FMR1NB: variants seen among roughly 807,000 people sequenced by gnomAD.
The protein encoded by FMR1NB is FMR1 neighbor, also known as FMR1 neighbor protein.
In FMR1NB, 10 loss-of-function variants were observed where a neutral mutation model predicts 16.8. The observed-to-expected ratio is 0.60, with a 90% CI of 0.37 to 1.01. The LOEUF is 1.01. FMR1NB is among the 50% of genes least tolerant of loss of function. The probability of loss-of-function intolerance (pLI) is 0.01; values close to 1 mark genes in which losing one functional copy is unlikely to be tolerated. For synonymous variants in FMR1NB, 83 were observed against 79.1 expected, an observed-to-expected ratio of 1.05 and a Z score of -0.26; for missense variants, 205 against 204.8, an observed-to-expected ratio of 1.00 and a Z score of 0.00.
rs1315631692 is a variant in FMR1NB at position 148,008,782 on chromosome X, T to G, written c.632+71T>G. 3 of 907,632 alleles carry G rather than the reference T, an allele frequency of 3.3e-6. No individual in the cohort carries two copies. The African/African-American group carries it at 5.9e-5, about 18-fold the overall frequency. The allele number at this position is 907,632 out of a possible 1,213,427, so 74.8% of individuals were successfully genotyped here. ...AGTATTTGTGTATAGACATATTTAT[T>G]AATACACTTCAGAAATACAGGGATT... On this transcript the variant is annotated intron_variant, in intron 4 of 5. Coordinates refer to ENST00000370467, the MANE Select transcript of FMR1NB (RefSeq NM_152578.3).
At position 147,988,177 on chromosome X, in the gene FMR1NB, C is replaced by T. The variant is rs188545186; in HGVS notation, c.277+6498C>T. 5.4e-5 allele frequency among the ~76,000 whole-genome samples: 6 copies of T among 111,658 alleles called. No homozygotes were observed. The East Asian group carries it at 1.7e-3, about 31-fold the overall frequency. ...TTTTCCTTTCCATATTTAGTGCTTC[C>T]TTCAGGTACTCTTGTAAGGCAGGCC... On this transcript the variant is annotated intron_variant, in intron 1 of 5. Coordinates refer to ENST00000370467, the MANE Select transcript of FMR1NB (RefSeq NM_152578.3).
intron 5 of FMR1NB, 83 bp from the exon 6 acceptor site, chrX:148,026,419 A>G (rs1557191003): frequency 9.0e-6 from 1 of 111,602 alleles, no homozygotes; most frequent in Non-Finnish European, 1.9e-5. Context: ...ATTTTGTTGC[A>G]GGGACTTCTT....
At chrX:147,986,353 G>T (rs1557187095) in intron 1 of FMR1NB, among the ~76,000 whole-genome samples, 1 of 112,138 alleles carries the variant, frequency 8.9e-6, no homozygotes, top group Non-Finnish European at 1.9e-5. Flanking sequence ...TTTGGCTTTT[G>T]TTGCCATTGC....
At chrX:147,986,218 A>G in intron 1 of FMR1NB, among the ~76,000 whole-genome samples, 1 of 112,488 alleles carries the variant, frequency 8.9e-6, no homozygotes, top group East Asian at 2.8e-4. Flanking sequence ...TCTGGTTATT[A>G]GACCTTTGTC....
intron 1 of FMR1NB, among the ~76,000 whole-genome samples, chrX:147,983,908 A>T: frequency 9.0e-6 from 1 of 110,987 alleles, no homozygotes; most frequent in Admixed American, 9.7e-5. Flanking sequence ...ATTTTGGCAT[A>T]TGGTGTATGT....
rs185016531 is a variant in FMR1NB at position 148,006,248 on chromosome X, A to G, written c.398-454A>G. Reference sequence around the variant, plus strand: ...ATAAGTGTTCACAAAAAGTAGGTCAATGCCAGTGTATCACTTACTTTAGTC... The same window carrying G: ...ATAAGTGTTCACAAAAAGTAGGTCAGTGCCAGTGTATCACTTACTTTAGTC... On this transcript the variant is annotated intron_variant, in intron 2 of 5. Coordinates refer to ENST00000370467, the MANE Select transcript of FMR1NB (RefSeq NM_152578.3). 7.1e-5 allele frequency among the ~76,000 whole-genome samples: 8 copies of G among 112,290 alleles called. No homozygotes were observed. In the East Asian group the frequency reaches 2.0e-3, roughly 27 times the overall value.
chrX:148,023,330 T>C (rs782727532), intron 4 of FMR1NB, among the ~76,000 whole-genome samples: 1 of 112,066 alleles, frequency 8.9e-6, no homozygotes, highest in Non-Finnish European at 1.9e-5. Flanking sequence ...ATTTCATTTA[T>C]GCCCAGAGAC....
rs782547913 is a variant in FMR1NB at position 148,011,322 on chromosome X, A to G, written c.632+2611A>G. On this transcript the variant is annotated intron_variant, in intron 4 of 5. Coordinates refer to ENST00000370467, the MANE Select transcript of FMR1NB (RefSeq NM_152578.3). ...TGAAGCAATTTGAGTTGGTGGGAGA[A>G]CTAAAAGCAGTGTAGGTGAAAAGGG... is the stretch of plus-strand genomic sequence containing the variant. 2.7e-5 allele frequency among the ~76,000 whole-genome samples: 3 copies of G among 111,490 alleles called. No homozygotes were observed. The Admixed American group carries it at 2.9e-4, about 11-fold the overall frequency.
intron 1 of FMR1NB, among the ~76,000 whole-genome samples, chrX:147,993,022 G>A (rs1188977215): frequency 1.1e-4 from 12 of 105,581 alleles, no homozygotes; most frequent in East Asian, 6.1e-4. Flanking sequence ...GGTGGCGGCC[G>A]GGCAGAGGCT....
intron 1 of FMR1NB, among the ~76,000 whole-genome samples, chrX:147,983,248 T>C (rs1557186810): frequency 8.9e-6 from 1 of 112,195 alleles, no homozygotes; most frequent in Non-Finnish European, 1.9e-5. Context: ...TGTAGACATG[T>C]TTTGAATTCT....
At chrX:147,997,309 C>T (rs1557188248) in intron 1 of FMR1NB, among the ~76,000 whole-genome samples, 2 of 111,870 alleles carry the variant, frequency 1.8e-5, no homozygotes, top group Admixed American at 1.9e-4. Context: ...TGCCACACAT[C>T]TACAACCATC....
intron 2 of FMR1NB, among the ~76,000 whole-genome samples, chrX:148,004,790 T>C (rs1557188915): frequency 8.9e-6 from 1 of 112,901 alleles, no homozygotes; most frequent in Non-Finnish European, 1.9e-5. Context: ...TTTCTCCCTT[T>C]GGACAAAATT....
intron 1 of FMR1NB, among the ~76,000 whole-genome samples, chrX:147,995,392 G>A (rs1326336137): frequency 8.9e-6 from 1 of 111,986 alleles, no homozygotes; most frequent in East Asian, 2.8e-4. Context: ...AGATTTAATG[G>A]TACTGACAGG....
intron 4 of FMR1NB, among the ~76,000 whole-genome samples, chrX:148,015,029 G>T (rs2044643159): frequency 9.0e-6 from 1 of 111,362 alleles, no homozygotes. Context: ...TCGGGTTTTG[G>T]ATTTCTTCCT....
chrX:148,005,134 C>T (rs1228988253), intron 2 of FMR1NB, among the ~76,000 whole-genome samples: 2 of 112,241 alleles, frequency 1.8e-5, no homozygotes, highest in African/African-American at 3.2e-5. Flanking sequence ...GTGATCCGCC[C>T]GCCTTGGGCT....
At chrX:147,999,564 C>G (rs781808985) in intron 1 of FMR1NB, among the ~76,000 whole-genome samples, 9 of 110,727 alleles carry the variant, frequency 8.1e-5, no homozygotes, top group Non-Finnish European at 1.3e-4. Flanking sequence ...ATATCATCTC[C>G]TCAGAGAGAC....
At chrX:148,006,642 T>G in intron 2 of FMR1NB, 60 bp from the exon 3 acceptor site, 1 of 1,115,377 alleles carries the variant, frequency 9.0e-7, no homozygotes, top group African/African-American at 1.8e-5. Context: ...AATTATTTAA[T>G]TAGGGAAAGT....
chrX:148,017,130 T>G (rs1409683558), intron 4 of FMR1NB, among the ~76,000 whole-genome samples: 1 of 111,258 alleles, frequency 9.0e-6, no homozygotes, highest in African/African-American at 3.3e-5. Flanking sequence ...TTGGACATAC[T>G]GCTCTAGGGT....
chrX:147,998,257 T>C (rs1418209458), intron 1 of FMR1NB, among the ~76,000 whole-genome samples: 1 of 112,273 alleles, frequency 8.9e-6, no homozygotes, highest in African/African-American at 3.2e-5. Context: ...ATATACATCA[T>C]GGAATACTAT....
Sources: allele counts gnomAD v4.1 joint callset (sites outside exome capture counted in the v4.1 genomes callset), GRCh38; gene constraint gnomAD v4.1.1; transcripts MANE v1.5; gene names NCBI Gene and HGNC (gene_info 2026-07-23, HGNC 2026-07-21).